ZNF331: variants seen among roughly 807,000 people sequenced by gnomAD.
ZNF331 encodes the protein C2H2-like zinc finger protein rearranged in thyroid adenomas.
A neutral mutation model predicts 7.0 loss-of-function variants in ZNF331; 2 were observed. The observed-to-expected ratio is 0.29, with a 90% confidence interval of 0.12 to 0.90. The LOEUF is 0.90. Among genes scored for constraint, ZNF331 ranks in the 40% least tolerant of loss-of-function variants. The pLI, the probability that ZNF331 is intolerant of heterozygous loss-of-function variation, is 0.58. For missense variants in ZNF331, 432 were observed against 587.7 expected (o/e 0.74, Z 2.74); for synonymous variants, 196 against 205.4 (o/e 0.95, Z 0.39).
At position 53,577,534 on chromosome 19, in the gene ZNF331, A is replaced by G; in HGVS notation, c.974A>G (p.Lys325Arg). Residue 325 changes from lysine to arginine, a missense_variant, in exon 6 of 6, where the codon AAG becomes AGG. Physicochemically the swap from Lys to Arg is conservative, Grantham distance 26 (BLOSUM62 2). Around this residue, in one of 3 missense-constraint regions of ZNF331, gnomAD observed 312 missense variants for 448.6 expected, o/e 0.70. Transcript: ENST00000449416. The stretch of plus-strand genomic sequence containing the variant: ...CATCAGAAGATCCACACCGGTGAGA[A>G]GCCTCACGAATGTAAGGAGTGTGGG... Reference protein sequence around the residue: ...TQHQKIHTGEKPHECKECGKA... With the variant: ...TQHQKIHTGERPHECKECGKA... 6.2e-7 allele frequency: 1 copy of G among 1,612,886 alleles called. No homozygotes were observed. Among genetic ancestry groups the G allele is most frequent in the South Asian group, 1.1e-5 (1 of 91,078 alleles).
chr19:53,568,680 C>G (rs563512126), intron 3 of ZNF331, among the ~76,000 whole-genome samples: 1 of 151,920 alleles, frequency 6.6e-6, no homozygotes. Flanking sequence ...CTACATCCCA[C>G]CCATCCGTCC....
the ZNF331 span, among the ~76,000 whole-genome samples, chr19:53,507,252 A>G: frequency 6.6e-6 from 1 of 152,116 alleles, no homozygotes; most frequent in Non-Finnish European, 1.5e-5. Flanking sequence ...TCCTGACACA[A>G]TAATAGTCAC....
chr19:53,547,234 CTCT>C (rs1400503105), intron 2 of ZNF331, among the ~76,000 whole-genome samples: 3 of 152,192 alleles, frequency 2.0e-5, no homozygotes, highest in East Asian at 1.9e-4. Flanking sequence ...ACGACCACCT[CTCT>C]TCTTCTGTGA....
At chr19:53,557,124 A>G (rs982269797) in intron 3 of ZNF331, among the ~76,000 whole-genome samples, 1 of 150,076 alleles carries the variant, frequency 6.7e-6, no homozygotes, top group African/African-American at 2.5e-5. Context: ...CACCCAGCCA[A>G]TTTTTTAATA....
At chr19:53,572,876 AC>A (rs2090531161) in intron 5 of ZNF331, among the ~76,000 whole-genome samples, 2 of 152,230 alleles carry the variant, frequency 1.3e-5, no homozygotes, top group African/African-American at 4.8e-5. Flanking sequence ...GCTGCCAGCC[AC>A]CATGTTCCAC....
intron 3 of ZNF331, among the ~76,000 whole-genome samples, chr19:53,559,095 TAG>T (rs1166759288): frequency 4.9e-5 from 7 of 141,866 alleles, no homozygotes; most frequent in South Asian, 4.5e-4. Flanking sequence ...CACCTACATA[TAG>T]AGACACATAT....
chr19:53,551,168 T>C (rs913064723), intron 2 of ZNF331, among the ~76,000 whole-genome samples: 1 of 152,124 alleles, frequency 6.6e-6, no homozygotes, highest in Non-Finnish European at 1.5e-5. Context: ...TAACTTTCAC[T>C]CCTTATAACG....
At chr19:53,516,898 C>T (rs933947552), upstream of ZNF331, among the ~76,000 whole-genome samples, 4 of 152,078 alleles carry the variant, frequency 2.6e-5, no homozygotes, top group Non-Finnish European at 4.4e-5. Context: ...TATATTGATT[C>T]AATATGAAAT....
chr19:53,507,373 G>T, the ZNF331 span, among the ~76,000 whole-genome samples: 1 of 151,970 alleles, frequency 6.6e-6, no homozygotes, highest in Non-Finnish European at 1.5e-5. Context: ...TTTGAGATGG[G>T]TTAGTCCAAA....
chr19:53,556,316 G>C (rs1568504399), intron 3 of ZNF331, among the ~76,000 whole-genome samples: 1 of 150,966 alleles, frequency 6.6e-6, no homozygotes, highest in East Asian at 1.9e-4. Context: ...GATGACGACT[G>C]ATTATTCAGT....
upstream of ZNF331, among the ~76,000 whole-genome samples, chr19:53,519,739 A>G (rs2086996080): frequency 6.6e-6 from 1 of 152,184 alleles, no homozygotes; most frequent in Admixed American, 6.5e-5. Flanking sequence ...CTGCCCTTAC[A>G]GAGAGAGCCT....
chr19:53,565,189 T>G (rs1433968299), intron 3 of ZNF331, among the ~76,000 whole-genome samples: 1 of 152,172 alleles, frequency 6.6e-6, no homozygotes, highest in Admixed American at 6.5e-5. Flanking sequence ...CAGCCTGTGG[T>G]CAAGGCCGGT....
the ZNF331 span, among the ~76,000 whole-genome samples, chr19:53,506,451 T>C: frequency 1.1e-5 from 1 of 87,708 alleles, no homozygotes; most frequent in Admixed American, 1.2e-4. Flanking sequence ...TCTGTCTCTC[T>C]CTCTCTCTCT....
intron 2 of ZNF331, among the ~76,000 whole-genome samples, chr19:53,551,020 A>G (rs1226227388): frequency 6.6e-6 from 1 of 150,946 alleles, no homozygotes; most frequent in African/African-American, 2.4e-5. Context: ...TTTAGTAGAG[A>G]TGGGGTTTCA....
chr19:53,554,467 T>C (rs2089233245), intron 2 of ZNF331: 1 of 152,142 alleles, frequency 6.6e-6, no homozygotes, highest in Admixed American at 6.5e-5. Flanking sequence ...GGCCGCTGGG[T>C]GCGGGAGGCC....
intron 2 of ZNF331, chr19:53,523,151 C>T (rs183315217): frequency 1.3e-5 from 2 of 152,084 alleles, no homozygotes; most frequent in Admixed American, 1.3e-4. Flanking sequence ...ATATCCATCA[C>T]CTCACTAATT....
At chr19:53,518,140 C>T (rs898991638), upstream of ZNF331, among the ~76,000 whole-genome samples, 1 of 152,240 alleles carries the variant, frequency 6.6e-6, no homozygotes, top group African/African-American at 2.4e-5. Flanking sequence ...AGGTAGAACA[C>T]AGAAGGCAGA....
At chr19:53,521,333 T>TGAGTGTGC (rs1159189784) in exon 1 of ZNF331, 8 of 142,890 alleles carry the variant, frequency 5.6e-5, no homozygotes, top group African/African-American at 2.0e-4. Context: ...TGTGTGTGAG[T>TGAGTGTGC]GTGTGTGTGT....
chr19:53,541,946 C>T (rs1422891928), intron 2 of ZNF331, among the ~76,000 whole-genome samples: 1 of 151,460 alleles, frequency 6.6e-6, no homozygotes, highest in African/African-American at 2.4e-5. Flanking sequence ...TTAGGGGTTC[C>T]AGGCTGCAGT....
Sources: gnomAD v4.1 joint callset for allele counts (sites outside exome capture counted in the v4.1 genomes callset) on GRCh38, gnomAD v4.1.1 for gene constraint, gnomAD v4.1.1 regional missense constraint, MANE v1.5 for transcripts, NCBI Gene and HGNC (gene_info 2026-07-23, HGNC 2026-07-21) for gene names.